Variants in C4orf50 observed in about 807,000 individuals in gnomAD.
C4orf50 encodes uncharacterized protein C4orf50.
Under a neutral mutation model 77.2 loss-of-function variants are expected in C4orf50, and 80 were observed. The ratio of observed to expected loss-of-function variants is 1.04; its 90% CI spans 0.87 to 1.25. The LOEUF (loss-of-function observed/expected upper bound fraction) is 1.25, where lower values mean the gene tolerates loss of function less well. C4orf50 is among the 50% of genes most tolerant of loss of function. C4orf50 has a pLI of 0.00. For synonymous variants in C4orf50, 532 were observed against 465.3 expected (o/e 1.14, Z -1.84); for missense variants, 1,257 against 1,152.9 (o/e 1.09, Z -1.31).
At chr4:5,935,302 A>T (rs149428837) in intron 7 of C4orf50, among the ~76,000 whole-genome samples, 2 of 152,318 alleles carry the variant, frequency 1.3e-5, no homozygotes, top group Non-Finnish European at 2.9e-5. Context: ...TTGGAGGGCT[A>T]CGCCCCCAGT....
chr4:5,901,030 G>T lies in C4orf50; in HGVS notation c.*2475-2842C>A, dbSNP rs1385589010. The stretch of plus-strand genomic sequence containing the variant: ...CACACTACCTCAGCGTGTCCCCACT[G>T]CCGCCACACCTCCGACATACCTATT... On this transcript the variant is annotated intron_variant, in intron 7 of 7. Transcript: ENST00000324058. The surrounding 1 kb of genome is among the most constrained non-coding windows in gnomAD (Gnocchi z 4.4). 1 of 152,204 alleles carries T rather than the reference G, an allele frequency of 6.6e-6. No individual in the cohort carries two copies. The highest frequency in any genetic ancestry group is 1.5e-5 in the Non-Finnish European group (1 of 68,040). The allele number at this position is 152,204 out of a possible 1,614,324, so 9.4% of individuals were successfully genotyped here.
intron 23 of C4orf50, among the ~76,000 whole-genome samples, chr4:6,016,581 TGGTTTTGTTGTA>T (rs1722693904): frequency 6.6e-6 from 1 of 152,060 alleles, no homozygotes; most frequent in South Asian, 2.1e-4. Flanking sequence ...AAAAACAAAT[TGGTTTTGTTGTA>T]GGTTGCTTCA....
chr4:5,925,600 A>T (rs1249067507), intron 7 of C4orf50, among the ~76,000 whole-genome samples: 1 of 152,250 alleles, frequency 6.6e-6, no homozygotes, highest in Non-Finnish European at 1.5e-5. Flanking sequence ...TTCACCAAGC[A>T]TAACACTGGG....
chr4:5,989,940 G>A, exon 28 of C4orf50: 1 of 1,421,606 alleles, frequency 7.0e-7, no homozygotes, highest in South Asian at 1.6e-5. Context: ...TTTCCTCCTT[G>A]CCCCTAGCTG....
chr4:5,967,569 A>G, intron 31 of C4orf50, 107 bp from the exon 10 acceptor site: 1 of 981,822 alleles, frequency 1.0e-6, no homozygotes, highest in Non-Finnish European at 1.6e-6. Context: ...TCCCCGCAAA[A>G]AACCGCTTTC....
chr4:5,995,527 C>T (rs908563407), intron 25 of C4orf50, among the ~76,000 whole-genome samples: 7 of 130,198 alleles, frequency 5.4e-5, no homozygotes, highest in Admixed American at 8.4e-5. Context: ...ACTCAGCTGT[C>T]ACCCACCACT....
At chr4:5,969,113 G>A (rs926121610) in intron 31 of C4orf50, among the ~76,000 whole-genome samples, 1 of 152,142 alleles carries the variant, frequency 6.6e-6, no homozygotes, top group Non-Finnish European at 1.5e-5. Flanking sequence ...CCACCAGAAT[G>A]AGATGAGAAG....
intron 7 of C4orf50, among the ~76,000 whole-genome samples, chr4:5,912,096 A>G (rs1325301338): frequency 6.6e-6 from 1 of 152,138 alleles, no homozygotes; most frequent in Non-Finnish European, 1.5e-5. Flanking sequence ...AACACAAACA[A>G]ACAAAAATAC....
At chr4:5,931,611 G>A (rs115595547) in intron 7 of C4orf50, among the ~76,000 whole-genome samples, 17 of 152,194 alleles carry the variant, frequency 1.1e-4, no homozygotes, top group South Asian at 8.3e-4. Context: ...GGCTCTGCGC[G>A]GCTGTTTTCC....
rs1240679272 is a variant in C4orf50, at chr4:6,015,261, T to C, written c.287+2884A>G. ...AGGCAATTAAGTTGAAAGAAAGTCA[T>C]GAGCGTGGGCCCAGATCCAATCCGA... On this transcript the variant is annotated intron_variant, in intron 23 of 33. Transcript: ENST00000531445. This position sits in a 1 kb window ranked among gnomAD's most constrained non-coding sequence, Gnocchi z 4.4. Among the ~76,000 whole-genome samples, 1 of 152,076 alleles carries C rather than the reference T, an allele frequency of 6.6e-6. No individual in the cohort carries two copies. The highest frequency in any genetic ancestry group is 1.5e-5 in the Non-Finnish European group (1 of 68,014).
intron 28 of C4orf50, among the ~76,000 whole-genome samples, chr4:5,985,312 G>A (rs557302032): frequency 4.6e-5 from 7 of 151,980 alleles, no homozygotes; most frequent in East Asian, 1.9e-4. Flanking sequence ...GTAAAGATAC[G>A]GGTAAATGAA....
intron 31 of C4orf50, among the ~76,000 whole-genome samples, chr4:5,969,050 C>T (rs1193510315): frequency 6.6e-6 from 1 of 152,130 alleles, no homozygotes; most frequent in East Asian, 1.9e-4. Context: ...CTGAGCCTCA[C>T]CCTCTCCATC....
At chr4:5,960,706 T>C (rs919368413) in intron 33 of C4orf50, among the ~76,000 whole-genome samples, 1 of 152,184 alleles carries the variant, frequency 6.6e-6, no homozygotes, top group Non-Finnish European at 1.5e-5. Flanking sequence ...ACGGAAGTAC[T>C]GACTGCACAC....
intron 25 of C4orf50, among the ~76,000 whole-genome samples, chr4:6,004,152 A>G (rs62643959): frequency 7.7e-6 from 1 of 130,010 alleles, no homozygotes; most frequent in Non-Finnish European, 1.6e-5. Context: ...GATGATGGTG[A>G]TGGTGATGAT....
intron 26 of C4orf50, 74 bp from the exon 5 acceptor site, chr4:5,993,004 C>T (rs184522641): frequency 2.6e-4 from 105 of 397,638 alleles, no homozygotes; most frequent in African/African-American, 1.7e-3. Context: ...CTAGGGACCA[C>T]GTCCCCCAGG....
rs1721328657 is a variant in C4orf50 at position 5,992,205 on chromosome 4, G to A, written c.1221+598C>T. On this transcript the variant is annotated intron_variant, in intron 27 of 33. Transcript: ENST00000531445. The surrounding 1 kb of genome is among the most constrained non-coding windows in gnomAD (Gnocchi z 5.0). ...AAAAATAAGAGATACATCGTGAGCA[G>A]GATGTGAATGAATGAAGAGATGATG... Among the ~76,000 whole-genome samples, 1 of 152,238 alleles carries A rather than the reference G, an allele frequency of 6.6e-6. No homozygotes were observed. The highest frequency in any genetic ancestry group is 2.1e-4 in the South Asian group (1 of 4,834).
intron 7 of C4orf50, among the ~76,000 whole-genome samples, chr4:5,928,248 A>C (rs1356439411): frequency 3.9e-5 from 6 of 152,160 alleles, no homozygotes; most frequent in African/African-American, 7.2e-5. Flanking sequence ...TGCCATACTC[A>C]GGATCCTGGA....
intron 7 of C4orf50, among the ~76,000 whole-genome samples, chr4:5,918,300 T>C (rs1262267932): frequency 6.6e-6 from 1 of 152,116 alleles, no homozygotes; most frequent in Non-Finnish European, 1.5e-5. Context: ...GATGGGGAAG[T>C]GGAGTCACAG....
intron 7 of C4orf50, among the ~76,000 whole-genome samples, chr4:5,923,879 G>A (rs1242786947): frequency 6.6e-6 from 1 of 152,204 alleles, no homozygotes; most frequent in Non-Finnish European, 1.5e-5. Context: ...CCTCCATCTG[G>A]GTGGGCACCA....
Sources: allele counts gnomAD v4.1 joint callset (sites outside exome capture counted in the v4.1 genomes callset), GRCh38; gene constraint gnomAD v4.1.1; non-coding constraint Gnocchi (gnomAD v3.1); transcripts MANE v1.5; gene names NCBI Gene and HGNC (gene_info 2026-07-23, HGNC 2026-07-21).